The following CPT1A variants were observed in gnomAD, a reference collection of about 807,000 sequenced individuals.
CPT1A encodes the protein carnitine palmitoyltransferase 1A, also known as carnitine O-palmitoyltransferase 1, liver isoform.
In CPT1A, 64 loss-of-function variants were observed where a neutral mutation model predicts 100.8. The ratio of observed to expected loss-of-function variants is 0.63; its 90% CI spans 0.52 to 0.78. The LOEUF is 0.78. Among genes scored for constraint, CPT1A ranks in the 30% least tolerant of loss-of-function variants. The probability of loss-of-function intolerance (pLI) is 0.00; values close to 1 mark genes in which losing one functional copy is unlikely to be tolerated. For synonymous variants in CPT1A, 363 were observed against 396.0 expected (o/e 0.92, Z 0.99); for missense variants, 802 against 1,034.1 (o/e 0.78, Z 3.08).
chr11:68,762,837 A>C (rs1013507815), intron 14 of CPT1A, 76 bp from the exon 15 acceptor site: 9 of 1,589,116 alleles, frequency 5.7e-6, no homozygotes, highest in Non-Finnish European at 6.9e-6. Flanking sequence ...ATTGGGTAAG[A>C]TTGGCAAGGA....
Position 68,803,997 on chromosome 11 carries a change from T to C in CPT1A, c.555+3A>G. On this transcript the variant is annotated splice_donor_region_variant and intron_variant, in intron 5 of 18. Transcript: ENST00000265641. ...TTCAGTGTGAGGCCTAAGCCACACCTACCCTGTTCACAGTGTCTTTGACAG... is the reference window on the plus strand; with the variant it reads ...TTCAGTGTGAGGCCTAAGCCACACCCACCCTGTTCACAGTGTCTTTGACAG... 1 of 1,610,314 alleles carries C rather than the reference T, an allele frequency of 6.2e-7. No homozygotes were observed. The highest frequency in any genetic ancestry group is 1.1e-5 in the South Asian group (1 of 91,022).
Position 68,785,000 on chromosome 11 carries a change from C to T in CPT1A, c.978G>A (p.Gln326=), listed in dbSNP as rs1204186881. 6 of 1,613,770 alleles carry T rather than the reference C, an allele frequency of 3.7e-6. No homozygotes were observed. Among genetic ancestry groups the T allele is most frequent in the Non-Finnish European group, 5.1e-6 (6 of 1,180,014 alleles). Residue 326 remains glutamine (Q), a synonymous_variant, in exon 10 of 19, where the codon CAG becomes CAA. Transcript: ENST00000265641. Reference sequence around the variant, plus strand: ...CGATGTGCTTGCTGTCTCTCATGTGCTGGATGGTGTCTGAGCCGGCCGCAG... The same window carrying T: ...CGATGTGCTTGCTGTCTCTCATGTGTTGGATGGTGTCTGAGCCGGCCGCAG... ...RIPGEETDTI[Q]HMRDSKHIVV... is the part of the protein sequence containing the mutation.
chr11:68,760,095 C>A, intron 17 of CPT1A, 130 bp downstream of exon 17: 1 of 708,160 alleles, frequency 1.4e-6, no homozygotes, highest in South Asian at 1.5e-5. Context: ...CAATGATCAG[C>A]AGTAATTCCT....
chr11:68,822,244 A>T (rs1856604516), intron 1 of CPT1A, among the ~76,000 whole-genome samples: 1 of 151,910 alleles, frequency 6.6e-6, no homozygotes, highest in Non-Finnish European at 1.5e-5. Context: ...AAAAAAATAA[A>T]AATTGGGCCA....
At chr11:68,772,900 AACTG>A (rs766166446) in intron 14 of CPT1A, among the ~76,000 whole-genome samples, 3 of 152,128 alleles carry the variant, frequency 2.0e-5, no homozygotes, top group Admixed American at 6.6e-5. Context: ...ACGAATACGT[AACTG>A]ACTATTCCCC....
At chr11:68,838,224 G>T (rs1857059565) in intron 1 of CPT1A, among the ~76,000 whole-genome samples, 1 of 151,858 alleles carries the variant, frequency 6.6e-6, no homozygotes, top group Non-Finnish European at 1.5e-5. Flanking sequence ...TTCTTTCACT[G>T]TTAACTTCCA....
At chr11:68,837,940 G>C (rs899054146) in intron 1 of CPT1A, among the ~76,000 whole-genome samples, 1 of 152,172 alleles carries the variant, frequency 6.6e-6, no homozygotes, top group African/African-American at 2.4e-5. Context: ...GGGTGAGTTA[G>C]GAAGAAGTAG....
intron 1 of CPT1A, among the ~76,000 whole-genome samples, chr11:68,831,911 G>C (rs1340585987): frequency 6.6e-6 from 1 of 152,074 alleles, no homozygotes; most frequent in Non-Finnish European, 1.5e-5. Context: ...GGGATTACAG[G>C]CATGAGCCAC....
chr11:68,833,698 C>T (rs2154002789), intron 1 of CPT1A, among the ~76,000 whole-genome samples: 1 of 151,774 alleles, frequency 6.6e-6, no homozygotes, highest in South Asian at 2.1e-4. Context: ...CCCACCACCG[C>T]ACTCCAGCCT....
At position 68,811,015 on chromosome 11, in the gene CPT1A, G is replaced by A. The variant is rs191947526; in HGVS notation, c.281+1422C>T. Among the ~76,000 whole-genome samples, 607 of 152,264 alleles carry A rather than the reference G, an allele frequency of 4.0e-3. 4 individuals are homozygous for A. The highest frequency in any genetic ancestry group is 7.5e-3 in the Non-Finnish European group (508 of 68,006). On this transcript the variant is annotated intron_variant, in intron 3 of 18. Coordinates refer to ENST00000265641, the MANE Select transcript of CPT1A (RefSeq NM_001876.4). ...AAAAAATCAAATTCAGCCGTTAACT[G>A]TGAGTGAGTTTTCGTTTACGTCTCT...
intron 1 of CPT1A, among the ~76,000 whole-genome samples, chr11:68,829,225 T>G (rs10896370): frequency 6.6e-6 from 1 of 151,984 alleles, no homozygotes; most frequent in Non-Finnish European, 1.5e-5. Flanking sequence ...GCAACACGTC[T>G]GCTCTACAGC....
chr11:68,808,026 G>A (rs1174040198), intron 3 of CPT1A, among the ~76,000 whole-genome samples: 2 of 152,214 alleles, frequency 1.3e-5, no homozygotes, highest in Non-Finnish European at 2.9e-5. Flanking sequence ...ATGCTGTGAG[G>A]CCAGGACCTG....
Position 68,784,994 on chromosome 11 carries a change from CAT to C in CPT1A, c.982_983del (p.Met328GlufsTer22), listed in dbSNP as rs1392694435. The C allele has an allele frequency of 6.2e-7, 1 of 1,613,734 alleles. No individual in the cohort carries two copies. Among genetic ancestry groups the C allele is most frequent in the African/African-American group, 1.3e-5 (1 of 74,918 alleles). On this transcript the variant is annotated frameshift_variant, in exon 10 of 19. Transcript: ENST00000265641. LOFTEE classifies it high-confidence loss of function. ...ACACGACGATGTGCTTGCTGTCTCT[CAT>C]GTGCTGGATGGTGTCTGAGCCGGCC... ...PGEETDTIQH[M>X]RDSKHIVVYH...
rs1013648059 is a variant in CPT1A at position 68,793,337 on chromosome 11, G to C, written c.945C>G (p.Ser315=). ...SAQWERMFNT[S]RIPGEETDTI... ...CACCTGTCTCCTCTCCTGGGATCCG[G>C]GAAGTATTAAACATCCGCTCCCACT... is the stretch of plus-strand genomic sequence containing the variant. The change falls in exon 9 of 19, where the codon TCC becomes TCG. Residue 315 remains serine (S), a synonymous_variant. Transcript: ENST00000265641. 2 of 1,611,564 alleles carry C rather than the reference G, an allele frequency of 1.2e-6. No homozygotes were observed. The highest frequency in any genetic ancestry group is 2.7e-5 in the African/African-American group (2 of 74,860).
chr11:68,825,180 C>T (rs1463918588), intron 1 of CPT1A, among the ~76,000 whole-genome samples: 2 of 152,046 alleles, frequency 1.3e-5, no homozygotes, highest in Non-Finnish European at 2.9e-5. Context: ...TGTGTGAGAA[C>T]GGGTGAAGGG....
intron 3 of CPT1A, among the ~76,000 whole-genome samples, chr11:68,811,503 A>C (rs1190203942): frequency 6.6e-6 from 1 of 151,966 alleles, no homozygotes; most frequent in Non-Finnish European, 1.5e-5. Flanking sequence ...GTGGTAAAGC[A>C]GCGGTGTTCA....
chr11:68,754,864 A>G (rs773159312), downstream of CPT1A: 2 of 780,758 alleles, frequency 2.6e-6, no homozygotes, highest in East Asian at 4.8e-5. Flanking sequence ...TAATATAACA[A>G]AAGAGACAGA....
rs140271246 is a variant in CPT1A, at chr11:68,804,466, T to C, written c.454-365A>G. On this transcript the variant is annotated intron_variant, in intron 4 of 18. Transcript: ENST00000265641. ...AGCCAGGCATGGTGGCATGTGCCTG[T>C]TGTCTCAGCTACTTGGGAGGCTGAG... Among the ~76,000 whole-genome samples the C allele has an allele frequency of 2.4e-3, 367 of 152,210 alleles. 1 individual carries two copies. Among genetic ancestry groups the C allele is most frequent in the Middle Eastern group, 6.8e-3 (2 of 294 alleles).
intron 12 of CPT1A, among the ~76,000 whole-genome samples, chr11:68,775,808 A>G (rs988746544): frequency 6.6e-6 from 1 of 152,248 alleles, no homozygotes; most frequent in Non-Finnish European, 1.5e-5. Flanking sequence ...AAAACAGACA[A>G]GAATTCTTGC....
Sources: gnomAD v4.1 joint callset for allele counts (sites outside exome capture counted in the v4.1 genomes callset) on GRCh38, gnomAD v4.1.1 for gene constraint, MANE v1.5 for transcripts, NCBI Gene and HGNC (gene_info 2026-07-23, HGNC 2026-07-21) for gene names.